The following GRAMD1C variants were observed in gnomAD, a reference collection of about 807,000 sequenced individuals.
GRAMD1C encodes GRAM domain containing 1C.
A neutral mutation model predicts 97.8 loss-of-function variants in GRAMD1C; 89 were observed. The ratio of observed to expected loss-of-function variants is 0.91; its 90% CI spans 0.77 to 1.09. GRAMD1C has a LOEUF of 1.09. GRAMD1C is among the 50% of genes least tolerant of loss of function. The probability of loss-of-function intolerance (pLI) is 0.00; values close to 1 mark genes in which losing one functional copy is unlikely to be tolerated. For synonymous variants in GRAMD1C, 256 were observed against 267.0 expected, an observed-to-expected ratio of 0.96 and a Z score of 0.40; for missense variants, 740 against 766.4, an observed-to-expected ratio of 0.97 and a Z score of 0.41.
intron 10 of GRAMD1C, among the ~76,000 whole-genome samples, chr3:113,916,873 G>T (rs115633285): frequency 0.014 from 2,122 of 152,298 alleles, 30 homozygotes; most frequent in Non-Finnish European, 0.021. Context: ...TTGGGGCTGG[G>T]TATGGTGGCT....
intron 10 of GRAMD1C, among the ~76,000 whole-genome samples, chr3:113,929,740 A>T (rs1937343853): frequency 6.6e-6 from 1 of 152,196 alleles, no homozygotes; most frequent in Admixed American, 6.5e-5. Flanking sequence ...ACTTTGCCAG[A>T]TACTCAGAAG....
At chr3:113,837,646 G>A (rs1332885385), upstream of GRAMD1C, among the ~76,000 whole-genome samples, 1 of 152,154 alleles carries the variant, frequency 6.6e-6, no homozygotes, top group Non-Finnish European at 1.5e-5. Context: ...CAGCACTTTG[G>A]GAGGCCGAAG....
At chr3:113,934,843 A>G (rs1370078127) in intron 13 of GRAMD1C, among the ~76,000 whole-genome samples, 1 of 152,106 alleles carries the variant, frequency 6.6e-6, no homozygotes, top group Non-Finnish European at 1.5e-5. Context: ...TCGTGAGTTC[A>G]AGCAATTTTC....
chr3:113,887,100 T>TTG (rs1935533015), intron 6 of GRAMD1C, among the ~76,000 whole-genome samples: 1 of 139,990 alleles, frequency 7.1e-6, no homozygotes, highest in Non-Finnish European at 1.6e-5. Flanking sequence ...TTTTTTGTTT[T>TTG]TTTTTTTTTT....
chr3:113,908,425 G>A (rs901127253), intron 8 of GRAMD1C, among the ~76,000 whole-genome samples: 4 of 152,058 alleles, frequency 2.6e-5, no homozygotes, highest in Non-Finnish European at 5.9e-5. Flanking sequence ...AAAGCCAATT[G>A]TGTTTTTATG....
chr3:113,930,854 C>G (rs944363221), intron 11 of GRAMD1C, 22 bp downstream of exon 11: 2 of 1,221,992 alleles, frequency 1.6e-6, no homozygotes, highest in Admixed American at 1.7e-5. Context: ...TTGTCAGTGT[C>G]CAGAAGAGTC....
At chr3:113,848,208 T>G (rs1933700617) in intron 2 of GRAMD1C, among the ~76,000 whole-genome samples, 1 of 152,206 alleles carries the variant, frequency 6.6e-6, no homozygotes, top group Non-Finnish European at 1.5e-5. Flanking sequence ...ATCTGGTGAT[T>G]TCAGGGTGTG....
At chr3:113,841,281 C>CTT (rs1269088707) in intron 1 of GRAMD1C, among the ~76,000 whole-genome samples, 2 of 17,544 alleles carry the variant, frequency 1.1e-4, no homozygotes, top group African/African-American at 2.3e-4. Context: ...TTCTTTCTTT[C>CTT]TTTCTTTTTT....
At chr3:113,870,813 A>G (rs1934771942) in intron 3 of GRAMD1C, among the ~76,000 whole-genome samples, 1 of 151,640 alleles carries the variant, frequency 6.6e-6, no homozygotes, top group Admixed American at 6.6e-5. Context: ...TTTTTGATTT[A>G]TAAGAATTTT....
At chr3:113,927,402 T>C (rs989776517) in intron 10 of GRAMD1C, among the ~76,000 whole-genome samples, 1 of 152,102 alleles carries the variant, frequency 6.6e-6, no homozygotes, top group East Asian at 1.9e-4. Flanking sequence ...ACAGGCCATA[T>C]GCTTGCCAGG....
At chr3:113,920,695 C>CA (rs2107348662) in intron 10 of GRAMD1C, among the ~76,000 whole-genome samples, 1 of 152,138 alleles carries the variant, frequency 6.6e-6, no homozygotes, top group Non-Finnish European at 1.5e-5. Context: ...TGCCCGCCAC[C>CA]ATACCCAGCT....
chr3:113,942,217 A>ATTT (rs1304568930), intron 17 of GRAMD1C, among the ~76,000 whole-genome samples: 1 of 140,992 alleles, frequency 7.1e-6, no homozygotes, highest in African/African-American at 2.6e-5. Context: ...CCCAGCTGCA[A>ATTT]TTTTTTTTTT....
intron 8 of GRAMD1C, among the ~76,000 whole-genome samples, chr3:113,908,079 G>A (rs575301008): frequency 2.0e-5 from 3 of 152,268 alleles, no homozygotes; most frequent in East Asian, 3.9e-4. Context: ...GTGGAAACCT[G>A]TATCCTCCCT....
At position 113,924,972 on chromosome 3, in the gene GRAMD1C, C is replaced by T. The variant is rs550374389; in HGVS notation, c.1091-5742C>T. Reference sequence around the variant, plus strand: ...TGCTCCTGTGTTGATTGCATATATACTTGGGATAGGTAAGTCTTCATGTTG... The same window carrying T: ...TGCTCCTGTGTTGATTGCATATATATTTGGGATAGGTAAGTCTTCATGTTG... On this transcript the variant is annotated intron_variant, in intron 10 of 17. Coordinates refer to ENST00000358160, the MANE Select transcript of GRAMD1C (RefSeq NM_017577.5). Among the ~76,000 whole-genome samples the T allele has an allele frequency of 5.9e-5, 9 of 152,274 alleles. No individual in the cohort carries two copies. In the South Asian group the frequency reaches 1.0e-3, roughly 18 times the overall value.
intron 6 of GRAMD1C, among the ~76,000 whole-genome samples, chr3:113,889,060 C>T (rs112707824): frequency 0.032 from 4,934 of 152,110 alleles, 120 homozygotes; most frequent in Middle Eastern, 0.054. Flanking sequence ...ATTAGCCGGG[C>T]GTGGTGGCAC....
chr3:113,845,463 G>A (rs1217491439), intron 2 of GRAMD1C, among the ~76,000 whole-genome samples: 4 of 152,118 alleles, frequency 2.6e-5, no homozygotes, highest in Non-Finnish European at 4.4e-5. Flanking sequence ...AGGCTGAGGT[G>A]GGCAGATTGC....
rs959099169 is a variant in GRAMD1C, at chr3:113,876,186, A to C, written c.385A>C (p.Ile129Leu). The change falls in exon 5 of 18, where the codon ATA (isoleucine) becomes CTA (leucine). Residue 129 changes from isoleucine (I) to leucine (L), a missense_variant. By Grantham distance (5) the Ile-to-Leu change is conservative (BLOSUM62 2). Transcript: ENST00000358160. ...TTAGATTTCTATTGCTTTAAAGAATATAACCTTCATGACCAAGGAAAAAAC... is the reference window on the plus strand; with the variant it reads ...TTAGATTTCTATTGCTTTAAAGAATCTAACCTTCATGACCAAGGAAAAAAC... ...ETTISIALKN[I>L]TFMTKEKTAR... is the part of the protein sequence containing the mutation. The C allele has an allele frequency of 6.3e-7, 1 of 1,582,900 alleles. No homozygotes were observed. The highest frequency in any genetic ancestry group is 1.3e-5 in the African/African-American group (1 of 74,230).
At chr3:113,904,066 C>T in intron 7 of GRAMD1C, 74 bp from the exon 8 acceptor site, 3 of 1,078,712 alleles carry the variant, frequency 2.8e-6, no homozygotes, top group Non-Finnish European at 4.2e-6. Context: ...TAGGAAATGA[C>T]CTCAGTGAGG....
At chr3:113,853,698 G>A (rs1010352058) in intron 2 of GRAMD1C, among the ~76,000 whole-genome samples, 4 of 152,114 alleles carry the variant, frequency 2.6e-5, no homozygotes, top group African/African-American at 9.7e-5. Flanking sequence ...AATGGGAGCC[G>A]GACAGCATAT....
Sources: gnomAD v4.1 joint callset for allele counts (sites outside exome capture counted in the v4.1 genomes callset) on GRCh38, gnomAD v4.1.1 for gene constraint, MANE v1.5 for transcripts, NCBI Gene and HGNC (gene_info 2026-07-23, HGNC 2026-07-21) for gene names.